Variants in ENTREP2 observed in about 807,000 individuals in gnomAD.
ENTREP2 encodes protein ENTREP2.
chr15:29,269,678 G>A, the ENTREP2 span: 3 of 1,556,222 alleles, frequency 1.9e-6, no homozygotes, highest in Non-Finnish European at 2.6e-6. Flanking sequence ...CCGCCAGAGC[G>A]GCCCCGGTTC....
At chr15:29,570,574 G>A in the ENTREP2 span, 1 of 1,471,152 alleles carries the variant, frequency 6.8e-7, no homozygotes, top group Admixed American at 2.3e-5. Flanking sequence ...GCGCGGCGAA[G>A]CTGACTGCCA....
At chr15:29,442,151 C>G in the ENTREP2 span, among the ~76,000 whole-genome samples, 2 of 152,202 alleles carry the variant, frequency 1.3e-5, no homozygotes, top group African/African-American at 4.8e-5. Context: ...CAGTGACCCT[C>G]CCAGCACGGA....
chr15:29,535,855 T>C, the ENTREP2 span, among the ~76,000 whole-genome samples: 12 of 151,778 alleles, frequency 7.9e-5, no homozygotes, highest in African/African-American at 2.4e-4. Context: ...AACTACAAAA[T>C]CTGACAGTGT....
At chr15:29,282,775 T>C in the ENTREP2 span, among the ~76,000 whole-genome samples, 2 of 152,272 alleles carry the variant, frequency 1.3e-5, no homozygotes, top group African/African-American at 4.8e-5. Flanking sequence ...GGCATACCGG[T>C]CTGTTCTTGT....
chr15:29,306,241 C>G, the ENTREP2 span, among the ~76,000 whole-genome samples: 1 of 152,160 alleles, frequency 6.6e-6, no homozygotes, highest in African/African-American at 2.4e-5. Flanking sequence ...TAGACAGGAA[C>G]CTGGAGTCAG....
the ENTREP2 span, among the ~76,000 whole-genome samples, chr15:29,331,812 T>G: frequency 6.6e-6 from 1 of 152,170 alleles, no homozygotes; most frequent in Non-Finnish European, 1.5e-5. Context: ...TGCAGGCTCC[T>G]CAGGGGAAAG....
the ENTREP2 span, among the ~76,000 whole-genome samples, chr15:29,197,398 C>T: frequency 1.3e-5 from 2 of 152,242 alleles, no homozygotes; most frequent in East Asian, 3.9e-4. Context: ...ACCAGCCTGG[C>T]TGGGTAACAT....
the ENTREP2 span, among the ~76,000 whole-genome samples, chr15:29,211,832 T>C: frequency 7.2e-5 from 11 of 151,992 alleles, no homozygotes; most frequent in South Asian, 2.1e-3. Context: ...TGAAACCCAC[T>C]TGGTCATGGT....
chr15:29,372,289 CTTAA>C, the ENTREP2 span, among the ~76,000 whole-genome samples: 4 of 152,186 alleles, frequency 2.6e-5, no homozygotes, highest in Admixed American at 6.5e-5. Context: ...TCCACTTCCA[CTTAA>C]TTAATAGTAA....
the ENTREP2 span, among the ~76,000 whole-genome samples, chr15:29,393,523 T>C: frequency 6.6e-6 from 1 of 152,150 alleles, no homozygotes; most frequent in African/African-American, 2.4e-5. Context: ...TGGCCTCAGT[T>C]CATTATTTAT....
the ENTREP2 span, among the ~76,000 whole-genome samples, chr15:29,181,045 A>G: frequency 2.0e-5 from 3 of 152,170 alleles, no homozygotes; most frequent in African/African-American, 7.2e-5. Flanking sequence ...ACTGACAAAA[A>G]TAGGCAAGTC....
At chr15:29,320,404 A>G in the ENTREP2 span, among the ~76,000 whole-genome samples, 1 of 152,228 alleles carries the variant, frequency 6.6e-6, no homozygotes, top group Admixed American at 6.5e-5. Context: ...CAGCCATATT[A>G]ATATAAAACC....
At chr15:29,534,477 T>C in the ENTREP2 span, among the ~76,000 whole-genome samples, 1 of 152,230 alleles carries the variant, frequency 6.6e-6, no homozygotes, top group Admixed American at 6.5e-5. Context: ...AAAGGGTTGC[T>C]TTAGCAACAG....
the ENTREP2 span, among the ~76,000 whole-genome samples, chr15:29,648,533 G>A: frequency 6.6e-6 from 1 of 152,208 alleles, no homozygotes; most frequent in Admixed American, 6.5e-5. Context: ...CAAACATGAA[G>A]TCGAGTATTT....
chr15:29,590,799 A>C, the ENTREP2 span, among the ~76,000 whole-genome samples: 1 of 152,180 alleles, frequency 6.6e-6, no homozygotes, highest in East Asian at 1.9e-4. Context: ...GACACAACAC[A>C]AAAGGTTTTT....
the ENTREP2 span, chr15:29,120,289 T>G: frequency 6.6e-6 from 1 of 152,234 alleles, no homozygotes; most frequent in South Asian, 2.1e-4. Context: ...CACGGATCAT[T>G]ATTAAAACAC....
chr15:29,580,175 G>A, the ENTREP2 span, among the ~76,000 whole-genome samples: 2 of 152,066 alleles, frequency 1.3e-5, no homozygotes, highest in Admixed American at 1.3e-4. Context: ...CTTCTGGACA[G>A]TAATGGGTCA....
chr15:29,451,591 A>T, the ENTREP2 span, among the ~76,000 whole-genome samples: 2 of 152,210 alleles, frequency 1.3e-5, no homozygotes, highest in African/African-American at 4.8e-5. Flanking sequence ...ACTGAAATGC[A>T]TGAAAGGATG....
At chr15:29,238,398 C>G in the ENTREP2 span, among the ~76,000 whole-genome samples, 1 of 151,894 alleles carries the variant, frequency 6.6e-6, no homozygotes, top group Non-Finnish European at 1.5e-5. Flanking sequence ...TTTGGGAGGC[C>G]GAGGTGGGCA....
Sources: allele counts gnomAD v4.1 joint callset (sites outside exome capture counted in the v4.1 genomes callset), GRCh38; gene constraint gnomAD v4.1.1; transcripts MANE v1.5; gene names NCBI Gene and HGNC (gene_info 2026-07-23, HGNC 2026-07-21).